Variants in SCAPER observed in about 807,000 individuals in gnomAD.
The protein encoded by SCAPER is S phase cyclin A-associated protein in the endoplasmic reticulum.
A neutral mutation model predicts 182.2 loss-of-function variants in SCAPER; 98 were observed. The observed-to-expected ratio is 0.54, with a 90% confidence interval of 0.46 to 0.64. The LOEUF is 0.64. Among genes scored for constraint, SCAPER ranks in the 30% least tolerant of loss-of-function variants. The probability of loss-of-function intolerance (pLI) is 0.00; values close to 1 mark genes in which losing one functional copy is unlikely to be tolerated. For synonymous variants in SCAPER, 605 were observed against 564.6 expected, an observed-to-expected ratio of 1.07 and a Z score of -1.01; for missense variants, 1,432 against 1,690.0, an observed-to-expected ratio of 0.85 and a Z score of 2.68.
At chr15:76,740,591 T>C (rs1200605255) in intron 15 of SCAPER, among the ~76,000 whole-genome samples, 1 of 152,102 alleles carries the variant, frequency 6.6e-6, no homozygotes, top group Non-Finnish European at 1.5e-5. Context: ...AGGAGAGATA[T>C]TGTGAATCAT....
Position 76,665,731 on chromosome 15 carries a change from G to A in SCAPER, c.2567C>T (p.Ala856Val), listed in dbSNP as rs2146763446. 1.3e-6 allele frequency: 2 copies of A among 1,557,674 alleles called. No homozygotes were observed. Among genetic ancestry groups the A allele is most frequent in the East Asian group, 2.3e-5 (1 of 43,028 alleles). Reference sequence around the variant, plus strand: ...CTCTTCTCCATCTTTCAAAGCTTCTGCTGGAGCTGTACTTTCAACCACAAT... The same window carrying A: ...CTCTTCTCCATCTTTCAAAGCTTCTACTGGAGCTGTACTTTCAACCACAAT... ...IDIVVESTAPAEALKDGEERQ... is the reference protein window; with the variant it reads ...IDIVVESTAPVEALKDGEERQ... Residue 856 changes from alanine to valine, a missense_variant, in exon 21 of 32, where the codon GCA becomes GTA. Around this residue, in one of 5 missense-constraint regions of SCAPER, gnomAD observed 718 missense variants for 799.7 expected, o/e 0.90. Transcript: ENST00000563290.
intron 24 of SCAPER, among the ~76,000 whole-genome samples, chr15:76,497,917 G>A (rs1390222243): frequency 3.1e-5 from 4 of 130,180 alleles, no homozygotes; most frequent in East Asian, 5.4e-4. Flanking sequence ...CTTGAACCTC[G>A]GAAACAGAGG....
chr15:76,410,162 C>T (rs2045186590), intron 26 of SCAPER, among the ~76,000 whole-genome samples: 1 of 152,106 alleles, frequency 6.6e-6, no homozygotes. Flanking sequence ...TCCCAGGGCA[C>T]CCCTATATTT....
chr15:76,782,663 A>G (rs1233272093), intron 8 of SCAPER, among the ~76,000 whole-genome samples: 2 of 152,068 alleles, frequency 1.3e-5, no homozygotes, highest in Non-Finnish European at 1.5e-5. Flanking sequence ...TAAAAGGATA[A>G]AAATCACAAC....
At chr15:76,703,109 T>C in intron 18 of SCAPER, 107 bp from the exon 19 acceptor site, 1 of 1,250,162 alleles carries the variant, frequency 8.0e-7, no homozygotes, top group Non-Finnish European at 1.1e-6. Context: ...AGAATGTCGT[T>C]TCTATGACAA....
intron 22 of SCAPER, among the ~76,000 whole-genome samples, chr15:76,607,561 C>T (rs574412095): frequency 6.6e-6 from 1 of 151,948 alleles, no homozygotes; most frequent in Non-Finnish European, 1.5e-5. Flanking sequence ...TGAATGGTGG[C>T]CTGCCTTGCT....
chr15:76,609,113 G>A (rs1378106548), intron 22 of SCAPER, among the ~76,000 whole-genome samples: 3 of 152,236 alleles, frequency 2.0e-5, no homozygotes, highest in Non-Finnish European at 2.9e-5. Context: ...CTTCTGCGTC[G>A]CTCATGCTGG....
intron 15 of SCAPER, among the ~76,000 whole-genome samples, chr15:76,746,973 G>A (rs139192347): frequency 2.1e-3 from 321 of 152,228 alleles, no homozygotes; most frequent in South Asian, 5.2e-3. Context: ...CTAACAAAAC[G>A]CCAACAGGCT....
At chr15:76,861,635 T>C (rs1271852113) in intron 3 of SCAPER, among the ~76,000 whole-genome samples, 2 of 152,156 alleles carry the variant, frequency 1.3e-5, no homozygotes, top group African/African-American at 2.4e-5. Flanking sequence ...ATAATAATAA[T>C]GAGAACTAAA....
chr15:76,546,328 T>A (rs2045277587), intron 23 of SCAPER, among the ~76,000 whole-genome samples: 1 of 152,086 alleles, frequency 6.6e-6, no homozygotes, highest in African/African-American at 2.4e-5. Flanking sequence ...ATAACCAAAA[T>A]CTATGTACCT....
At chr15:76,669,058 A>G (rs2056825324) in intron 20 of SCAPER, among the ~76,000 whole-genome samples, 1 of 152,186 alleles carries the variant, frequency 6.6e-6, no homozygotes, top group African/African-American at 2.4e-5. Context: ...GTGACACTGC[A>G]GCTAGTAAAG....
At chr15:76,816,307 T>C (rs913384948) in intron 5 of SCAPER, among the ~76,000 whole-genome samples, 1 of 152,182 alleles carries the variant, frequency 6.6e-6, no homozygotes, top group East Asian at 1.9e-4. Flanking sequence ...CATTGTACAA[T>C]TGTACAAAAT....
intron 29 of SCAPER, among the ~76,000 whole-genome samples, chr15:76,375,955 A>T (rs1358247960): frequency 6.6e-6 from 1 of 152,250 alleles, no homozygotes. Flanking sequence ...ACTGCATTCC[A>T]GCCTGGGTGA....
intron 22 of SCAPER, among the ~76,000 whole-genome samples, chr15:76,615,478 TAC>T (rs138517413): frequency 0.17 from 19,994 of 119,272 alleles, 1,444 homozygotes; most frequent in African/African-American, 0.22. Context: ...TATATATACA[TAC>T]ACACACACAC....
At chr15:76,514,483 G>C (rs1490695317) in intron 23 of SCAPER, among the ~76,000 whole-genome samples, 1 of 152,224 alleles carries the variant, frequency 6.6e-6, no homozygotes, top group Non-Finnish European at 1.5e-5. Context: ...AGAGGCAGCT[G>C]TTAATCTTTG....
At chr15:76,880,782 A>C (rs916327303) in intron 2 of SCAPER, among the ~76,000 whole-genome samples, 1 of 152,114 alleles carries the variant, frequency 6.6e-6, no homozygotes, top group Non-Finnish European at 1.5e-5. Flanking sequence ...AAAGAAAAAC[A>C]CATGTATATA....
chr15:76,828,126 G>C (rs2068163043), intron 5 of SCAPER, among the ~76,000 whole-genome samples: 1 of 152,002 alleles, frequency 6.6e-6, no homozygotes, highest in Admixed American at 6.5e-5. Context: ...ACTCTGCAGA[G>C]AGTCCCCACC....
Position 76,765,233 on chromosome 15 carries a change from G to A in SCAPER, c.1613+104C>T. 4 of 1,045,680 alleles carry A rather than the reference G, an allele frequency of 3.8e-6. No individual in the cohort carries two copies. In the South Asian group the frequency reaches 6.5e-5, roughly 17 times the overall value. The allele number at this position is 1,045,680 out of a possible 1,614,324, so 64.8% of individuals were successfully genotyped here. Reference sequence around the variant, plus strand: ...TTTTCAATGGATCTGAAACTGTCCTGAAGTAATGTGTCCAAAAATGCCACG... The same window carrying A: ...TTTTCAATGGATCTGAAACTGTCCTAAAGTAATGTGTCCAAAAATGCCACG... On this transcript the variant is annotated intron_variant, in intron 13 of 31. Coordinates refer to ENST00000563290, the MANE Select transcript of SCAPER (RefSeq NM_020843.4).
At chr15:76,808,783 C>T (rs1437298651) in intron 5 of SCAPER, among the ~76,000 whole-genome samples, 2 of 152,204 alleles carry the variant, frequency 1.3e-5, no homozygotes, top group Admixed American at 1.3e-4. Context: ...ATAGATTACG[C>T]ATCTGCCAGG....
Sources: allele counts gnomAD v4.1 joint callset (sites outside exome capture counted in the v4.1 genomes callset), GRCh38; gene constraint gnomAD v4.1.1; regional missense constraint gnomAD v4.1.1; transcripts MANE v1.5; gene names NCBI Gene and HGNC (gene_info 2026-07-23, HGNC 2026-07-21).